The following PCDH11X variants were observed in gnomAD, a reference collection of about 807,000 sequenced individuals.
The protein encoded by PCDH11X is protocadherin-11 X-linked.
PCDH11X carries 18 observed loss-of-function variants against 53.3 expected under a neutral mutation model. That is an observed-to-expected ratio of 0.34 (90% CI 0.23 to 0.50). The LOEUF (loss-of-function observed/expected upper bound fraction) is 0.50. Ranked by LOEUF, PCDH11X falls within the 20% of genes least tolerant of loss-of-function variation. The pLI is 0.98. For missense variants in PCDH11X, 570 were observed against 1,032.4 expected, an observed-to-expected ratio of 0.55 and a Z score of 6.14; for synonymous variants, 279 against 393.3, an observed-to-expected ratio of 0.71 and a Z score of 3.44.
chrX:91,893,203 A>G (rs1248987640), intron 6 of PCDH11X, among the ~76,000 whole-genome samples: 5 of 111,389 alleles, frequency 4.5e-5, no homozygotes, highest in Admixed American at 9.6e-5. Flanking sequence ...TTAATTCTAG[A>G]AAGATTTTTA....
intron 8 of PCDH11X, among the ~76,000 whole-genome samples, chrX:92,358,007 G>A (rs1476747234): frequency 9.1e-6 from 1 of 109,937 alleles, no homozygotes; most frequent in East Asian, 2.9e-4. Flanking sequence ...ATGTAGAATG[G>A]ACAATAATTG....
At chrX:92,288,839 T>A (rs981864449) in intron 8 of PCDH11X, among the ~76,000 whole-genome samples, 6 of 108,896 alleles carry the variant, frequency 5.5e-5, no homozygotes, top group Middle Eastern at 4.7e-3. Context: ...TTTTTAAGAG[T>A]GTTTCATGGA....
chrX:91,844,897 A>G (rs1937597030), intron 5 of PCDH11X, among the ~76,000 whole-genome samples: 1 of 109,653 alleles, frequency 9.1e-6, no homozygotes, highest in African/African-American at 3.3e-5. Flanking sequence ...AGTAATGCAA[A>G]TAACAAAGTA....
intron 10 of PCDH11X, among the ~76,000 whole-genome samples, chrX:92,518,410 T>C (rs1040823576): frequency 2.7e-5 from 3 of 111,817 alleles, no homozygotes; most frequent in African/African-American, 9.7e-5. Context: ...ATATATGAAG[T>C]ATATATATAC....
At chrX:92,345,231 A>G (rs1236767582) in intron 8 of PCDH11X, among the ~76,000 whole-genome samples, 2 of 110,890 alleles carry the variant, frequency 1.8e-5, no homozygotes, top group Admixed American at 9.6e-5. Context: ...TTCCTTTTCA[A>G]TTTGGTACGT....
Position 92,219,656 on chromosome X carries a change from A to C in PCDH11X, c.3114+18201A>C, listed in dbSNP as rs867400529. On this transcript the variant is annotated intron_variant, in intron 7 of 10. Transcript: ENST00000682573. ...TTTATAGATTCAATGCCATCCCCAT[A>C]AAGCTACCAATGCCTTTCTTCACAG... 8.8e-3 allele frequency among the ~76,000 whole-genome samples: 696 copies of C among 79,021 alleles called. 8 individuals carry two copies. Among genetic ancestry groups the C allele is most frequent in the African/African-American group, 0.028 (609 of 21,390 alleles). The allele number at this position is 79,021 out of a possible 115,157, so 68.6% of individuals were successfully genotyped here. A position where few individuals can be genotyped will look rare whatever the true frequency, so the allele number is the denominator to read the frequency against.
rs1364881071 is a variant in PCDH11X at position 92,257,346 on chromosome X, G to A, written c.3115-5768G>A. Among the ~76,000 whole-genome samples the A allele has an allele frequency of 3.6e-5, 4 of 110,958 alleles. No homozygotes were observed. The East Asian group carries it at 8.6e-4, about 24-fold the overall frequency. ...TGAGATTTGAGTGGGGGCACTGATC[G>A]AAACCATATCATTCTGCCCCTGGCC... On this transcript the variant is annotated intron_variant, in intron 7 of 10. Coordinates refer to ENST00000682573, the MANE Select transcript of PCDH11X (RefSeq NM_032968.5).
chrX:92,595,858 T>G (rs1300175006), intron 10 of PCDH11X, among the ~76,000 whole-genome samples: 94 of 82,848 alleles, frequency 1.1e-3, no homozygotes, highest in Non-Finnish European at 1.8e-3. Flanking sequence ...TACCTAAAGA[T>G]GCTTTAAATC....
intron 7 of PCDH11X, among the ~76,000 whole-genome samples, chrX:92,221,334 C>T (rs1018818195): frequency 4.2e-5 from 4 of 95,272 alleles, no homozygotes; most frequent in African/African-American, 8.4e-5. Context: ...CACATATATA[C>T]GAAGTACTTC....
intron 10 of PCDH11X, among the ~76,000 whole-genome samples, chrX:92,580,170 T>C (rs1923494252): frequency 9.5e-6 from 1 of 104,866 alleles, no homozygotes; most frequent in Non-Finnish European, 1.9e-5. Flanking sequence ...AATGCTCCTA[T>C]ATAAGGTGTC....
chrX:91,917,569 C>CG (rs1491564456), intron 6 of PCDH11X, among the ~76,000 whole-genome samples: 5 of 15,888 alleles, frequency 3.1e-4, no homozygotes, highest in Non-Finnish European at 5.0e-4. Flanking sequence ...ACAGCAGCTG[C>CG]AAAAAAAAAA....
intron 5 of PCDH11X, among the ~76,000 whole-genome samples, chrX:91,853,445 G>T (rs1938147731): frequency 9.2e-6 from 1 of 108,486 alleles, no homozygotes; most frequent in South Asian, 4.0e-4. Context: ...ATTGGAATGA[G>T]AAAATTGATA....
chrX:91,890,859 C>G (rs1205398233), intron 6 of PCDH11X, among the ~76,000 whole-genome samples: 1 of 110,531 alleles, frequency 9.0e-6, no homozygotes, highest in Non-Finnish European at 1.9e-5. Flanking sequence ...TACATGCCTA[C>G]CTATGTATAT....
chrX:91,886,245 A>G (rs982964743), intron 6 of PCDH11X, among the ~76,000 whole-genome samples: 5 of 111,341 alleles, frequency 4.5e-5, no homozygotes, highest in Non-Finnish European at 7.5e-5. Flanking sequence ...TCTCAATGAA[A>G]TGTCCTTGAT....
At chrX:91,895,959 G>T in intron 6 of PCDH11X, among the ~76,000 whole-genome samples, 1 of 99,790 alleles carries the variant, frequency 1.0e-5, no homozygotes, top group East Asian at 3.2e-4. Flanking sequence ...TTATGTACGT[G>T]TATGTAATAC....
chrX:92,175,785 T>TATACACAC (rs1556140527), intron 6 of PCDH11X, among the ~76,000 whole-genome samples: 74 of 83,802 alleles, frequency 8.8e-4, no homozygotes, highest in African/African-American at 3.1e-3. Flanking sequence ...TGTATATATA[T>TATACACAC]ACACACACAC....
At chrX:92,369,373 C>T (rs944141229) in intron 8 of PCDH11X, among the ~76,000 whole-genome samples, 2 of 111,157 alleles carry the variant, frequency 1.8e-5, no homozygotes, top group Non-Finnish European at 3.8e-5. Context: ...CCACCAAGCT[C>T]GATCATCTCA....
intron 4 of PCDH11X, among the ~76,000 whole-genome samples, chrX:91,819,544 T>G (rs1012403314): frequency 2.7e-5 from 3 of 110,166 alleles, no homozygotes; most frequent in Non-Finnish European, 3.8e-5. Flanking sequence ...TTTCTTGAAG[T>G]CTTTGCTGGT....
At chrX:91,831,072 TC>T in intron 4 of PCDH11X, among the ~76,000 whole-genome samples, 1 of 111,967 alleles carries the variant, frequency 8.9e-6, no homozygotes, top group African/African-American at 3.2e-5. Context: ...GATGCCTAGC[TC>T]CCTTACCTAC....
Sources: gnomAD v4.1 joint callset for allele counts (sites outside exome capture counted in the v4.1 genomes callset) on GRCh38, gnomAD v4.1.1 for gene constraint, MANE v1.5 for transcripts, NCBI Gene and HGNC (gene_info 2026-07-23, HGNC 2026-07-21) for gene names.